The following NUGGC variants were observed in gnomAD, a reference collection of about 807,000 sequenced individuals.
NUGGC encodes the protein nuclear GTPase SLIP-GC.
In NUGGC, 58 loss-of-function variants were observed where a neutral mutation model predicts 92.6. The ratio of observed to expected loss-of-function variants is 0.63; its 90% CI spans 0.51 to 0.78. The LOEUF (loss-of-function observed/expected upper bound fraction) is 0.78. Among genes scored for constraint, NUGGC ranks in the 30% least tolerant of loss-of-function variants. The pLI, the probability that NUGGC is intolerant of heterozygous loss-of-function variation, is 0.00. For missense variants in NUGGC, 925 were observed against 964.6 expected (o/e 0.96, Z 0.54); for synonymous variants, 376 against 366.4 (o/e 1.03, Z -0.30).
chr8:28,053,427 A>C (rs1810055925), intron 10 of NUGGC, among the ~76,000 whole-genome samples: 1 of 152,180 alleles, frequency 6.6e-6, no homozygotes, highest in Admixed American at 6.5e-5. Flanking sequence ...TCAACGTTGC[A>C]GTGAGTTATC....
intron 10 of NUGGC, among the ~76,000 whole-genome samples, chr8:28,052,092 A>G (rs2130171248): frequency 6.6e-6 from 1 of 152,314 alleles, no homozygotes; most frequent in Admixed American, 6.5e-5. Context: ...GGAAGGATCT[A>G]TGTGCCTGTG....
intron 9 of NUGGC, among the ~76,000 whole-genome samples, chr8:28,057,400 G>A (rs1810173549): frequency 6.8e-6 from 1 of 147,044 alleles, no homozygotes; most frequent in African/African-American, 2.5e-5. Context: ...GGAGTGCAGT[G>A]GCGCGATCTC....
intron 1 of NUGGC, among the ~76,000 whole-genome samples, chr8:28,081,960 G>A (rs1164220378): frequency 6.6e-6 from 1 of 151,990 alleles, no homozygotes; most frequent in African/African-American, 2.4e-5. Context: ...AGGAAGAGGA[G>A]GAGACTGTTA....
chr8:28,050,244 G>A (rs867407444), intron 10 of NUGGC, among the ~76,000 whole-genome samples: 3 of 152,068 alleles, frequency 2.0e-5, no homozygotes, highest in African/African-American at 4.8e-5. Context: ...AATTAGCCAG[G>A]CATGGTGGTG....
chr8:28,045,466 G>C, intron 12 of NUGGC, 61 bp downstream of exon 12: 1 of 1,498,882 alleles, frequency 6.7e-7, no homozygotes, highest in South Asian at 1.3e-5. Flanking sequence ...TTTCTAACTT[G>C]GTAAAAGGAA....
chr8:28,041,360 C>T lies in NUGGC; in HGVS notation c.1447-145G>A, dbSNP rs1012875166. 6 of 772,000 alleles carry T rather than the reference C, an allele frequency of 7.8e-6. No homozygotes were observed. The African/African-American group carries it at 1.0e-4, about 13-fold the overall frequency. 47.8% of individuals were successfully genotyped at this position (772,000 alleles called of 1,614,324 possible). A position where few individuals can be genotyped will look rare whatever the true frequency, so the allele number is the denominator to read the frequency against. ...CTTCTCTTTATTGTCCCCATAAGAC[C>T]TCACTCAGTGCACAGACCCCTTTAG... On this transcript the variant is annotated intron_variant, in intron 12 of 18. Coordinates refer to ENST00000413272, the MANE Select transcript of NUGGC (RefSeq NM_001010906.2).
intron 9 of NUGGC, among the ~76,000 whole-genome samples, chr8:28,057,632 T>C (rs1193612000): frequency 6.6e-6 from 1 of 152,046 alleles, no homozygotes; most frequent in Non-Finnish European, 1.5e-5. Flanking sequence ...AGTCACCAAG[T>C]CCTGCCATGA....
At chr8:28,081,369 TG>T (rs1445919964) in intron 1 of NUGGC, among the ~76,000 whole-genome samples, 3 of 152,106 alleles carry the variant, frequency 2.0e-5, no homozygotes, top group Non-Finnish European at 4.4e-5. Flanking sequence ...AATGTGATAA[TG>T]AATGCAAAAT....
intron 10 of NUGGC, among the ~76,000 whole-genome samples, chr8:28,053,516 TA>T (rs1411860637): frequency 6.6e-6 from 1 of 151,820 alleles, no homozygotes; most frequent in Non-Finnish European, 1.5e-5. Context: ...CAACGGCATG[TA>T]GTACAAGTAA....
At chr8:28,060,306 C>T in intron 8 of NUGGC, 120 bp downstream of exon 8, 1 of 992,780 alleles carries the variant, frequency 1.0e-6, no homozygotes, top group Non-Finnish European at 1.6e-6. Flanking sequence ...TCCTCCCCAA[C>T]AATCACTTCC....
At chr8:28,026,865 A>AT in intron 18 of NUGGC, 97 bp downstream of exon 18, 1 of 851,598 alleles carries the variant, frequency 1.2e-6, no homozygotes, top group Non-Finnish European at 2.0e-6. Context: ...TTAAATTCCT[A>AT]AAATTTAAAG....
In NUGGC at chr8:28,045,596, G is replaced by T. The variant is rs368895014; in HGVS notation, c.1377C>A (p.Thr459=). The change falls in exon 12 of 19, where the codon ACC becomes ACA. Residue 459 remains threonine, a synonymous_variant. Transcript: ENST00000413272. The part of the protein sequence containing the change: ...SLLDKKKRTV[T]KYVTEAFGLL... ...GGCCAAAGGCTTCAGTCACATACTT[G>T]GTCACTGTCCTCTTCTTCTTGTCCA... The T allele has an allele frequency of 4.3e-6, 7 of 1,612,742 alleles. No homozygotes were observed. Among genetic ancestry groups the T allele is most frequent in the Non-Finnish European group, 5.1e-6 (6 of 1,179,490 alleles).
At chr8:28,057,752 C>A (rs1482482187) in intron 9 of NUGGC, among the ~76,000 whole-genome samples, 1 of 152,032 alleles carries the variant, frequency 6.6e-6, no homozygotes, top group Non-Finnish European at 1.5e-5. Flanking sequence ...GGTAAGACTG[C>A]CAATCAACAG....
In NUGGC at chr8:28,040,795, C is replaced by T. The variant is rs927663529; in HGVS notation, c.1611+256G>A. ...CTGAGCAGCTGGGATGACAGGCACA[C>T]GCCACCACACCTGGCTAATTTTTGT... is the stretch of plus-strand genomic sequence containing the variant. On this transcript the variant is annotated intron_variant, in intron 13 of 18. Transcript: ENST00000413272. Among the ~76,000 whole-genome samples the T allele has an allele frequency of 7.9e-5, 12 of 152,176 alleles. No individual in the cohort carries two copies. The East Asian group carries it at 1.7e-3, about 22-fold the overall frequency.
At chr8:28,029,184 T>G in intron 17 of NUGGC, 82 bp downstream of exon 17, 1 of 1,446,554 alleles carries the variant, frequency 6.9e-7, no homozygotes, top group Non-Finnish European at 9.4e-7. Flanking sequence ...ATGCCTACTA[T>G]GCCTTCCACC....
intron 1 of NUGGC, among the ~76,000 whole-genome samples, chr8:28,077,055 C>A (rs1437219033): frequency 6.6e-6 from 1 of 152,008 alleles, no homozygotes; most frequent in Admixed American, 6.6e-5. Context: ...CTTCAAATCC[C>A]AAGATTCTAT....
chr8:28,074,152 C>T (rs1428036188), intron 2 of NUGGC, among the ~76,000 whole-genome samples: 3 of 151,818 alleles, frequency 2.0e-5, no homozygotes, highest in Admixed American at 6.6e-5. Flanking sequence ...TAACTGCTGG[C>T]CAAACAGTTC....
chr8:28,048,939 G>A (rs186730341), intron 10 of NUGGC, among the ~76,000 whole-genome samples: 149 of 150,856 alleles, frequency 9.9e-4, no homozygotes, highest in African/African-American at 3.2e-3. Flanking sequence ...AAACAGTGTC[G>A]TGGAGAAGTC....
chr8:28,049,310 T>G (rs773440134), intron 10 of NUGGC, among the ~76,000 whole-genome samples: 8 of 152,228 alleles, frequency 5.3e-5, no homozygotes, highest in Non-Finnish European at 1.0e-4. Context: ...TTGCTTTGAT[T>G]GAGTTTTCAC....
Sources: gnomAD v4.1 joint callset for allele counts (sites outside exome capture counted in the v4.1 genomes callset) on GRCh38, gnomAD v4.1.1 for gene constraint, MANE v1.5 for transcripts, NCBI Gene and HGNC (gene_info 2026-07-23, HGNC 2026-07-21) for gene names.